Variants in MX1 observed in about 807,000 individuals in gnomAD.
MX1 encodes the protein MX dynamin like GTPase 1, also known as interferon-induced GTP-binding protein Mx1.
In MX1, 66 loss-of-function variants were observed where a neutral mutation model predicts 66.4. That is an observed-to-expected ratio of 0.99 (90% confidence interval 0.82 to 1.22). The LOEUF is 1.22. Among genes scored for constraint, MX1 ranks in the 50% most tolerant of loss-of-function variants. The pLI, the probability that MX1 is intolerant of heterozygous loss-of-function variation, is 0.00. For missense variants in MX1, 787 were observed against 834.3 expected (o/e 0.94, Z 0.70); for synonymous variants, 311 against 318.1 (o/e 0.98, Z 0.24).
chr21:41,439,604 G>A (rs150120512), intron 7 of MX1, 90 bp from the exon 8 acceptor site: 1 of 1,242,840 alleles, frequency 8.0e-7, no homozygotes, highest in Non-Finnish European at 1.2e-6. Flanking sequence ...GACTCGCAGA[G>A]AGGAGAAGAT....
Position 41,440,973 on chromosome 21 carries a change from A to G in MX1, c.678A>G (p.Thr226=), listed in dbSNP as rs758105781. The change falls in exon 9 of 17, where the codon ACA becomes ACG. Residue 226 remains threonine (T), a synonymous_variant. Coordinates refer to ENST00000398598, the MANE Select transcript of MX1 (RefSeq NM_002462.5). ...VVPSNVDIAT[T]EALSMAQEVD... ...CCAGTAATGTGGACATCGCCACCAC[A>G]GAGGCTCTCAGCATGGCCCAGGAGG... is the stretch of plus-strand genomic sequence containing the variant. 1 of 1,614,226 alleles carries G rather than the reference A, an allele frequency of 6.2e-7. No individual in the cohort carries two copies. Among genetic ancestry groups the G allele is most frequent in the Non-Finnish European group, 8.5e-7 (1 of 1,180,036 alleles).
chr21:41,447,737 T>C (rs957456393), intron 13 of MX1, among the ~76,000 whole-genome samples: 1 of 152,120 alleles, frequency 6.6e-6, no homozygotes, highest in Non-Finnish European at 1.5e-5. Flanking sequence ...ATACACTTTT[T>C]TTTTTCTTTT....
intron 5 of MX1, among the ~76,000 whole-genome samples, chr21:41,435,335 T>C (rs1158745680): frequency 2.0e-5 from 3 of 152,248 alleles, no homozygotes; most frequent in African/African-American, 7.2e-5. Flanking sequence ...GTATTATTTC[T>C]TCAAATATTT....
At chr21:41,446,753 C>G (rs1227504208) in intron 13 of MX1, among the ~76,000 whole-genome samples, 1 of 152,192 alleles carries the variant, frequency 6.6e-6, no homozygotes, top group Non-Finnish European at 1.5e-5. Flanking sequence ...GCTCATAACC[C>G]AATCCTTCCT....
At chr21:41,447,618 G>C (rs2090698924) in intron 13 of MX1, among the ~76,000 whole-genome samples, 2 of 152,304 alleles carry the variant, frequency 1.3e-5, no homozygotes, top group African/African-American at 2.4e-5. Context: ...CCAGGGGCTG[G>C]GGAGGGAAAA....
chr21:41,435,545 C>A (rs557908557), intron 5 of MX1, among the ~76,000 whole-genome samples: 3 of 152,266 alleles, frequency 2.0e-5, no homozygotes, highest in South Asian at 2.1e-4. Flanking sequence ...AGGAAACTTA[C>A]AATCATGGAG....
intron 13 of MX1, among the ~76,000 whole-genome samples, chr21:41,447,233 T>G (rs539668786): frequency 6.6e-6 from 1 of 152,322 alleles, no homozygotes; most frequent in East Asian, 1.9e-4. Flanking sequence ...TCCCTCAGTG[T>G]GTGTGTCCTC....
rs1229330173 is a variant in MX1 at position 41,443,637 on chromosome 21, C to T, written c.930-151C>T. The stretch of plus-strand genomic sequence containing the variant: ...AATTCAGTCATAATCCTATTCAATC[C>T]AGTTCTGAGTATTTGTTGGGTACCA... On this transcript the variant is annotated intron_variant, in intron 10 of 16. Coordinates refer to ENST00000398598, the MANE Select transcript of MX1 (RefSeq NM_002462.5). 7.1e-6 allele frequency: 5 copies of T among 700,814 alleles called. No individual in the cohort carries two copies. The African/African-American group carries it at 8.8e-5, about 12-fold the overall frequency. 43.4% of individuals were successfully genotyped at this position (700,814 alleles called of 1,614,324 possible). A position where few individuals can be genotyped will look rare whatever the true frequency, so the allele number is the denominator to read the frequency against.
At chr21:41,434,240 A>C (rs468105) in intron 5 of MX1, among the ~76,000 whole-genome samples, 77,329 of 151,722 alleles carry the variant, frequency 0.51, 21,193 homozygotes, top group Non-Finnish European at 0.64. Flanking sequence ...AGCCCACTTT[A>C]GGAAAATTGC....
chr21:41,444,635 C>T (rs1364695762), intron 11 of MX1, among the ~76,000 whole-genome samples: 1 of 152,108 alleles, frequency 6.6e-6, no homozygotes, highest in East Asian at 1.9e-4. Flanking sequence ...TTCCAGCCGA[C>T]CATGATGAGT....
chr21:41,439,559 A>C, intron 7 of MX1, 135 bp from the exon 8 acceptor site: 1 of 877,142 alleles, frequency 1.1e-6, no homozygotes, highest in Non-Finnish European at 1.8e-6. Flanking sequence ...CCAATCACAG[A>C]AAATTGAATC....
At chr21:41,455,073 C>T (rs902936116) in intron 16 of MX1, among the ~76,000 whole-genome samples, 21 of 152,222 alleles carry the variant, frequency 1.4e-4, no homozygotes, top group Admixed American at 1.2e-3. Flanking sequence ...CCATGCCTAG[C>T]TATTTTTTCT....
chr21:41,459,114 C>T lies in MX1; in HGVS notation c.*356C>T. On this transcript the variant is annotated 3_prime_UTR_variant, in exon 17 of 17. Coordinates refer to ENST00000398598, the MANE Select transcript of MX1 (RefSeq NM_002462.5). Reference sequence around the variant, plus strand: ...GCTTATTTCCTCATTTTTATAATGTCCCTTCACAAACCCAGTGTTTTAGGA... The same window carrying T: ...GCTTATTTCCTCATTTTTATAATGTTCCTTCACAAACCCAGTGTTTTAGGA... The T allele has an allele frequency of 3.0e-6, 1 of 335,788 alleles. No individual in the cohort carries two copies. The highest frequency in any genetic ancestry group is 5.4e-5 in the South Asian group (1 of 18,682). 20.8% of individuals were successfully genotyped at this position (335,788 alleles called of 1,614,324 possible).
In MX1 at chr21:41,449,275, A is replaced by G. The variant is rs1403664703; in HGVS notation, c.1412A>G (p.Asp471Gly). ...AAGGCACTGGAAGAGCCGGCTGTGG[A>G]TATGCTACACACCGTGACGGGTGAG... is the stretch of plus-strand genomic sequence containing the variant. ...QIKALEEPAV[D>G]MLHTVTDMVR... is the part of the protein sequence containing the mutation. Residue 471 changes from aspartate (D) to glycine (G), a missense_variant, in exon 14 of 17, where the codon GAT (aspartate) becomes GGT (glycine). Coordinates refer to ENST00000398598, the MANE Select transcript of MX1 (RefSeq NM_002462.5). The G allele has an allele frequency of 1.9e-6, 3 of 1,613,638 alleles. No individual in the cohort carries two copies. The South Asian group carries it at 3.3e-5, about 18-fold the overall frequency.
rs10528033 is a variant in MX1, at chr21:41,448,930, TTGTGTGTGTGTGTG to T, written c.1274-171_1274-158del. Among the ~76,000 whole-genome samples the T allele has an allele frequency of 5.7e-4, 79 of 139,616 alleles. 1 individual carries two copies. The highest frequency in any genetic ancestry group is 1.6e-3 in the African/African-American group (60 of 38,278). 91.6% of individuals were successfully genotyped at this position (139,616 alleles called of 152,430 possible). A position where few individuals can be genotyped will look rare whatever the true frequency, so the allele number is the denominator to read the frequency against. ...AGGAAAATTATCTTCAGATCTGGTT[TTGTGTGTGTGTGTG>T]TGTGTGTGTGTGTGTGTGTGTGTGT... On this transcript the variant is annotated intron_variant, in intron 13 of 16. Transcript: ENST00000398598.
intron 10 of MX1, 108 bp downstream of exon 10, chr21:41,442,022 TGTGCGTGTGTGTGTGTGC>T: frequency 5.0e-5 from 51 of 1,014,652 alleles, no homozygotes; most frequent in South Asian, 2.6e-4. Context: ...TGTGTGTGTG[TGTGCGTGTGTGTGTGTGC>T]GCGTGTGTGT....
Position 41,441,055 on chromosome 21 carries a change from GT to G in MX1, c.730+31del. 16 of 1,504,066 alleles carry G rather than the reference GT, an allele frequency of 1.1e-5. No homozygotes were observed. In the African/African-American group the frequency reaches 2.3e-4, roughly 22 times the overall value. 93.2% of individuals were successfully genotyped at this position (1,504,066 alleles called of 1,614,324 possible). On this transcript the variant is annotated intron_variant, in intron 9 of 16. Coordinates refer to ENST00000398598, the MANE Select transcript of MX1 (RefSeq NM_002462.5). This position sits in a 1 kb window ranked among gnomAD's most constrained non-coding sequence, Gnocchi z 4.0. ...GAGTGGGGGAGCCCCACTGTGCTCA[GT>G]GAGAATGGGGGAGCCCGCCTGTGCT...
intron 3 of MX1, chr21:41,429,868 A>G (rs1457698066): frequency 6.9e-6 from 1 of 144,040 alleles, no homozygotes; most frequent in East Asian, 2.1e-4. Context: ...AGATTGCGCC[A>G]CTGCTCTCCA....
At chr21:41,423,025 T>A (rs1035890337), upstream of MX1, 7 of 152,520 alleles carry the variant, frequency 4.6e-5, no homozygotes, top group African/African-American at 1.4e-4. Flanking sequence ...TCTTGTTCTC[T>A]GACCTGGGGT....
Sources: gnomAD v4.1 joint callset for allele counts (sites outside exome capture counted in the v4.1 genomes callset) on GRCh38, gnomAD v4.1.1 for gene constraint, Gnocchi (gnomAD v3.1) non-coding constraint, MANE v1.5 for transcripts, NCBI Gene and HGNC (gene_info 2026-07-23, HGNC 2026-07-21) for gene names.